Variants in TBC1D4 observed in about 807,000 individuals in gnomAD.
TBC1D4 encodes the protein TBC (Tre-2, BUB2, CDC16) domain-containing protein.
In TBC1D4, 121 loss-of-function variants were observed where a neutral mutation model predicts 142.5. The ratio of observed to expected loss-of-function variants is 0.85; its 90% confidence interval spans 0.73 to 0.99. The LOEUF is 0.99. Ranked by LOEUF, TBC1D4 falls within the 50% of genes least tolerant of loss-of-function variation. The probability of loss-of-function intolerance (pLI) is 0.00; values close to 1 mark genes in which losing one functional copy is unlikely to be tolerated. For missense variants in TBC1D4, 1,475 were observed against 1,606.6 expected (o/e 0.92, Z 1.40); for synonymous variants, 630 against 628.2 (o/e 1.00, Z -0.04).
chr13:75,482,032 G>T lies in TBC1D4; in HGVS notation c.-265C>A. On this transcript the variant is annotated 5_prime_UTR_variant, in exon 1 of 21. Coordinates refer to ENST00000377636, the MANE Select transcript of TBC1D4 (RefSeq NM_014832.5). ...GTTAAATGGGCATCCTCCTCCTTGG[G>T]CTGGCGCCTCGGGCAGGACCTCCCC... is the stretch of plus-strand genomic sequence containing the variant. The T allele has an allele frequency of 2.7e-6, 1 of 377,110 alleles. No individual in the cohort carries two copies. Among genetic ancestry groups the T allele is most frequent in the African/African-American group, 2.1e-5 (1 of 47,626 alleles). The allele number at this position is 377,110 out of a possible 1,614,324, so 23.4% of individuals were successfully genotyped here.
chr13:75,312,940 C>G (rs1877932236), intron 12 of TBC1D4, 42 bp from the exon 13 acceptor site: 1 of 1,607,934 alleles, frequency 6.2e-7, no homozygotes, highest in Non-Finnish European at 8.5e-7. Flanking sequence ...AGGAGAGCTG[C>G]ACATCATGGC....
chr13:75,425,660 A>G (rs1409851254), intron 1 of TBC1D4, among the ~76,000 whole-genome samples: 3 of 152,194 alleles, frequency 2.0e-5, no homozygotes, highest in African/African-American at 7.2e-5. Context: ...TATTATTTTC[A>G]ACAGCATGGA....
intron 1 of TBC1D4, among the ~76,000 whole-genome samples, chr13:75,424,522 T>A (rs895447695): frequency 3.3e-5 from 5 of 152,030 alleles, no homozygotes; most frequent in Admixed American, 1.3e-4. Flanking sequence ...ATCTTAAGAT[T>A]CACGTGGAAC....
chr13:75,411,516 C>T (rs574991105), intron 1 of TBC1D4, among the ~76,000 whole-genome samples: 54 of 152,106 alleles, frequency 3.6e-4, no homozygotes, highest in Admixed American at 1.8e-3. Flanking sequence ...TAAGCAACTA[C>T]GGGATGCACA....
chr13:75,314,784 T>C (rs1246288139), intron 12 of TBC1D4, among the ~76,000 whole-genome samples: 1 of 144,950 alleles, frequency 6.9e-6, no homozygotes, highest in East Asian at 2.0e-4. Flanking sequence ...ATGGCCAACA[T>C]GGTGAAACCC....
At chr13:75,457,346 C>T (rs1054984594) in intron 1 of TBC1D4, among the ~76,000 whole-genome samples, 4 of 152,106 alleles carry the variant, frequency 2.6e-5, no homozygotes, top group Non-Finnish European at 5.9e-5. Context: ...AGGAGGCTGT[C>T]CTGTGCACTG....
intron 4 of TBC1D4, among the ~76,000 whole-genome samples, chr13:75,354,825 G>A (rs1330533675): frequency 1.3e-5 from 2 of 152,152 alleles, no homozygotes; most frequent in East Asian, 3.8e-4. Flanking sequence ...TCCCCCGGGT[G>A]TTTATCCAAC....
At chr13:75,423,114 C>G (rs1370466489) in intron 1 of TBC1D4, among the ~76,000 whole-genome samples, 3 of 152,096 alleles carry the variant, frequency 2.0e-5, no homozygotes, top group African/African-American at 7.2e-5. Flanking sequence ...ACAACACTCT[C>G]AAAATTGGAA....
chr13:75,459,106 G>T (rs1169186223), intron 1 of TBC1D4, among the ~76,000 whole-genome samples: 6 of 152,110 alleles, frequency 3.9e-5, no homozygotes, highest in African/African-American at 1.4e-4. Context: ...CCGCCAGCAA[G>T]CCCTGGGCTG....
intron 1 of TBC1D4, among the ~76,000 whole-genome samples, chr13:75,466,330 AT>A (rs1888164784): frequency 6.6e-6 from 1 of 152,156 alleles, no homozygotes; most frequent in Non-Finnish European, 1.5e-5. Flanking sequence ...GAAGGATGGG[AT>A]TTTCCTGCAT....
At position 75,312,843 on chromosome 13, in the gene TBC1D4, C is replaced by T. The variant is rs1295269299; in HGVS notation, c.2278G>A (p.Val760Met). ...CGAGGAGTGACAGAGGTTCCTCCCA[C>T]ACTTAGGGACTCATTGCTGCAGGTA... ...SSTCSNESLS[V>M]GGTSVTPRRI... The change falls in exon 13 of 21, where the codon GTG (valine) becomes ATG (methionine). Residue 760 changes from valine (V) to methionine (M), a missense_variant. Transcript: ENST00000377636. 2 of 1,614,080 alleles carry T rather than the reference C, an allele frequency of 1.2e-6. No individual in the cohort carries two copies. The highest frequency in any genetic ancestry group is 8.5e-7 in the Non-Finnish European group (1 of 1,180,030).
intron 1 of TBC1D4, among the ~76,000 whole-genome samples, chr13:75,389,452 T>C (rs1884351630): frequency 6.6e-6 from 1 of 152,240 alleles, no homozygotes; most frequent in African/African-American, 2.4e-5. Flanking sequence ...TATTAGTTTT[T>C]TTAATGTACT....
At chr13:75,434,275 C>A (rs981122471) in intron 1 of TBC1D4, among the ~76,000 whole-genome samples, 32 of 152,124 alleles carry the variant, frequency 2.1e-4, no homozygotes, top group African/African-American at 7.5e-4. Context: ...CCATCAATGA[C>A]AGACTGGATT....
chr13:75,408,124 C>A (rs564791601), intron 1 of TBC1D4, among the ~76,000 whole-genome samples: 1 of 152,250 alleles, frequency 6.6e-6, no homozygotes, highest in East Asian at 1.9e-4. Flanking sequence ...CTGGACCTTA[C>A]CCCCTTCCCC....
chr13:75,352,599 T>G (rs1566414160), intron 4 of TBC1D4, among the ~76,000 whole-genome samples: 1 of 150,344 alleles, frequency 6.7e-6, no homozygotes, highest in South Asian at 2.1e-4. Flanking sequence ...CAACAACTAT[T>G]TTAAGAAAGA....
chr13:75,333,172 A>C (rs1191074809), intron 8 of TBC1D4, among the ~76,000 whole-genome samples: 3 of 152,212 alleles, frequency 2.0e-5, no homozygotes, highest in African/African-American at 7.2e-5. Flanking sequence ...TTGTGTATTA[A>C]CATAAAGGCC....
rs185587656 is a variant in TBC1D4, at chr13:75,470,464, C to T, written c.498+10806G>A. On this transcript the variant is annotated intron_variant, in intron 1 of 20. Coordinates refer to ENST00000377636, the MANE Select transcript of TBC1D4 (RefSeq NM_014832.5). ...CCTAGACTTACTGAATCAAAAACTCCGGGGGTCAGGGTTGGGGTCCAGCAA... is the reference window on the plus strand; with the variant it reads ...CCTAGACTTACTGAATCAAAAACTCTGGGGGTCAGGGTTGGGGTCCAGCAA... 4.6e-5 allele frequency among the ~76,000 whole-genome samples: 7 copies of T among 152,156 alleles called. No individual in the cohort carries two copies. The East Asian group carries it at 1.2e-3, about 25-fold the overall frequency.
At chr13:75,419,389 T>C (rs1005361728) in intron 1 of TBC1D4, among the ~76,000 whole-genome samples, 2 of 152,230 alleles carry the variant, frequency 1.3e-5, no homozygotes, top group Non-Finnish European at 2.9e-5. Flanking sequence ...TAACAATGTA[T>C]GTATCTAGTA....
At chr13:75,396,555 T>A (rs1356222365) in intron 1 of TBC1D4, among the ~76,000 whole-genome samples, 7 of 152,092 alleles carry the variant, frequency 4.6e-5, no homozygotes, top group Admixed American at 4.6e-4. Context: ...AATGATTTCC[T>A]AATAAAGCCA....
Sources: gnomAD v4.1 joint callset for allele counts (sites outside exome capture counted in the v4.1 genomes callset) on GRCh38, gnomAD v4.1.1 for gene constraint, MANE v1.5 for transcripts, NCBI Gene and HGNC (gene_info 2026-07-23, HGNC 2026-07-21) for gene names.